The following PRELID2 variants were observed in gnomAD, a reference collection of about 807,000 sequenced individuals.
PRELID2 encodes the protein PRELI domain-containing protein 2.
In PRELID2, 25 loss-of-function variants were observed where a neutral mutation model predicts 28.4. The observed-to-expected ratio is 0.88, with a 90% CI of 0.64 to 1.23. The LOEUF is 1.23. Among genes scored for constraint, PRELID2 ranks in the 50% most tolerant of loss-of-function variants. The pLI is 0.00. For synonymous variants in PRELID2, 76 were observed against 71.6 expected (o/e 1.06, Z -0.31); for missense variants, 201 against 214.4 (o/e 0.94, Z 0.39).
the PRELID2 span, among the ~76,000 whole-genome samples, chr5:145,416,438 G>C: frequency 6.6e-6 from 1 of 151,998 alleles, no homozygotes; most frequent in East Asian, 1.9e-4. Flanking sequence ...AAACTAAAGA[G>C]CTTCTGCACA....
At chr5:145,440,238 G>T in the PRELID2 span, among the ~76,000 whole-genome samples, 1 of 152,038 alleles carries the variant, frequency 6.6e-6, no homozygotes, top group African/African-American at 2.4e-5. Flanking sequence ...GGATGGGGAG[G>T]CTACTTCCTG....
intron 1 of PRELID2, among the ~76,000 whole-genome samples, chr5:145,730,451 T>C (rs566399834): frequency 6.6e-6 from 1 of 152,344 alleles, no homozygotes; most frequent in South Asian, 2.1e-4. Flanking sequence ...TATTCATGCA[T>C]GGCATGAAGA....
At chr5:145,363,933 A>G in the PRELID2 span, among the ~76,000 whole-genome samples, 1 of 151,988 alleles carries the variant, frequency 6.6e-6, no homozygotes, top group African/African-American at 2.4e-5. Context: ...GTAGAATATT[A>G]TTTGGAGAAA....
chr5:145,359,723 T>C, the PRELID2 span, among the ~76,000 whole-genome samples: 1 of 152,184 alleles, frequency 6.6e-6, no homozygotes, highest in Admixed American at 6.5e-5. Flanking sequence ...AAGACTATTA[T>C]CAGAGGTTAT....
intron 1 of PRELID2, among the ~76,000 whole-genome samples, chr5:145,633,460 C>G (rs1485816705): frequency 6.6e-6 from 1 of 152,148 alleles, no homozygotes; most frequent in African/African-American, 2.4e-5. Flanking sequence ...TCCTGGCCCT[C>G]TCTCGTCAAC....
the PRELID2 span, among the ~76,000 whole-genome samples, chr5:145,325,928 CAG>C: frequency 6.6e-6 from 1 of 152,178 alleles, no homozygotes; most frequent in Admixed American, 6.6e-5. Context: ...CCTGTCATGA[CAG>C]AGAAACTGAC....
chr5:145,472,983 G>A (rs998775305), intron 2 of PRELID2, among the ~76,000 whole-genome samples: 7 of 151,954 alleles, frequency 4.6e-5, no homozygotes, highest in South Asian at 4.2e-4. Context: ...AAACTCATTC[G>A]CACAAAAAGA....
At chr5:145,397,609 G>A in the PRELID2 span, among the ~76,000 whole-genome samples, 2 of 152,176 alleles carry the variant, frequency 1.3e-5, no homozygotes, top group South Asian at 4.1e-4. Context: ...TCTGCTCTGA[G>A]AGCTAACTAG....
rs575733437 is a variant in PRELID2 at position 145,577,428 on chromosome 5, G to T, written n.71-104113C>A. 7.9e-5 allele frequency among the ~76,000 whole-genome samples: 12 copies of T among 152,072 alleles called. 1 individual carries two copies. The highest frequency in any genetic ancestry group is 2.9e-4 in the African/African-American group (12 of 41,520). On this transcript the variant is annotated intron_variant and non_coding_transcript_variant, in intron 1 of 2. Coordinates refer to the PRELID2 transcript ENST00000510259. ...AGATTAAAGTTTAGAAAATCAAACA[G>T]AAATTCCAGAGCTGAAAAATACAAT...
At chr5:145,637,058 A>T (rs6892552) in intron 1 of PRELID2, among the ~76,000 whole-genome samples, 33,419 of 151,994 alleles carry the variant, frequency 0.22, 6,922 homozygotes, top group African/African-American at 0.54. Context: ...TAAAGGTCAT[A>T]TGCCTCAGAT....
At chr5:145,668,162 G>A (rs1332011325) in intron 1 of PRELID2, among the ~76,000 whole-genome samples, 1 of 151,994 alleles carries the variant, frequency 6.6e-6, no homozygotes, top group Non-Finnish European at 1.5e-5. Flanking sequence ...CAGAATAAGT[G>A]AATGTGTACT....
At chr5:145,739,733 C>T (rs76670506) in intron 1 of PRELID2, among the ~76,000 whole-genome samples, 12,525 of 151,716 alleles carry the variant, frequency 0.083, 874 homozygotes, top group East Asian at 0.38. Flanking sequence ...GGTAAGGTTT[C>T]TACATTTCAC....
intron 1 of PRELID2, among the ~76,000 whole-genome samples, chr5:145,481,540 C>T (rs1331656569): frequency 7.1e-6 from 1 of 139,982 alleles, no homozygotes; most frequent in African/African-American, 2.7e-5. Flanking sequence ...TCTTCTGGTC[C>T]AAATTAGCTG....
At chr5:145,252,857 T>C in the PRELID2 span, among the ~76,000 whole-genome samples, 1 of 152,272 alleles carries the variant, frequency 6.6e-6, no homozygotes, top group African/African-American at 2.4e-5. Flanking sequence ...ATTTTATGTA[T>C]ATTTCACCCA....
At chr5:145,737,507 C>A (rs1209768787) in intron 1 of PRELID2, among the ~76,000 whole-genome samples, 1 of 151,986 alleles carries the variant, frequency 6.6e-6, no homozygotes, top group Non-Finnish European at 1.5e-5. Context: ...ACCCAAAGAA[C>A]AACACTGCTG....
chr5:145,401,525 A>G, the PRELID2 span, among the ~76,000 whole-genome samples: 1 of 152,162 alleles, frequency 6.6e-6, no homozygotes, highest in African/African-American at 2.4e-5. Flanking sequence ...TATGATGAAG[A>G]TTTTTCCTTT....
intron 1 of PRELID2, among the ~76,000 whole-genome samples, chr5:145,637,679 G>GT (rs1754021856): frequency 6.6e-6 from 1 of 152,164 alleles, no homozygotes; most frequent in Non-Finnish European, 1.5e-5. Flanking sequence ...TTTTCATTTA[G>GT]TAAGAGTGTG....
the PRELID2 span, among the ~76,000 whole-genome samples, chr5:145,414,132 A>T: frequency 6.6e-6 from 1 of 152,188 alleles, no homozygotes; most frequent in South Asian, 2.1e-4. Flanking sequence ...TTGAAACATC[A>T]GCAATATACC....
At chr5:145,507,075 G>A (rs991069706) in intron 1 of PRELID2, among the ~76,000 whole-genome samples, 1 of 152,186 alleles carries the variant, frequency 6.6e-6, no homozygotes. Context: ...TTAGCATACA[G>A]TAAGGGCTCA....
Sources: allele counts gnomAD v4.1 joint callset (sites outside exome capture counted in the v4.1 genomes callset), GRCh38; gene constraint gnomAD v4.1.1; transcripts MANE v1.5; gene names NCBI Gene and HGNC (gene_info 2026-07-23, HGNC 2026-07-21).